The following STAMBPL1 variants were observed in gnomAD, a reference collection of about 807,000 sequenced individuals.
STAMBPL1 encodes AMSH-like protease.
A neutral mutation model predicts 52.9 loss-of-function variants in STAMBPL1; 44 were observed. The ratio of observed to expected loss-of-function variants is 0.83; its 90% CI spans 0.65 to 1.07. The LOEUF is 1.07. Ranked by LOEUF, STAMBPL1 falls within the 50% of genes least tolerant of loss-of-function variation. The pLI, the probability that STAMBPL1 is intolerant of heterozygous loss-of-function variation, is 0.00. For missense variants in STAMBPL1, 511 were observed against 520.8 expected (o/e 0.98, Z 0.18); for synonymous variants, 164 against 177.3 (o/e 0.92, Z 0.60).
At chr10:88,892,795 G>A (rs763838877) in intron 1 of STAMBPL1, among the ~76,000 whole-genome samples, 1 of 152,184 alleles carries the variant, frequency 6.6e-6, no homozygotes, top group African/African-American at 2.4e-5. Context: ...TTGAATAATA[G>A]TGCTGGACTC....
chr10:88,923,299 GT>G lies in STAMBPL1; in HGVS notation c.*78del, dbSNP rs1845561840. The G allele has an allele frequency of 6.6e-7, 1 of 1,512,028 alleles. No individual in the cohort carries two copies. The highest frequency in any genetic ancestry group is 2.5e-5 in the Admixed American group (1 of 39,496). 93.7% of individuals were successfully genotyped at this position (1,512,028 alleles called of 1,614,324 possible). On this transcript the variant is annotated 3_prime_UTR_variant, in exon 11 of 11. Coordinates refer to ENST00000371926, the MANE Select transcript of STAMBPL1 (RefSeq NM_020799.4). The stretch of plus-strand genomic sequence containing the variant: ...TGTGGTTGCCGGATTTTCTTAAGAT[GT>G]TTCCAGAAATGACTGATATTTTATA...
At chr10:88,916,906 C>A in intron 8 of STAMBPL1, 89 bp downstream of exon 8, 1 of 1,303,428 alleles carries the variant, frequency 7.7e-7, no homozygotes, top group South Asian at 2.0e-5. Context: ...ATTTAAATAG[C>A]TTCTTCTTTT....
At chr10:88,900,129 G>A (rs188866510) in intron 1 of STAMBPL1, among the ~76,000 whole-genome samples, 4 of 152,294 alleles carry the variant, frequency 2.6e-5, no homozygotes, top group Non-Finnish European at 5.9e-5. Flanking sequence ...CAATGGAGGG[G>A]AAAGACTGGA....
rs1845566123 is a variant in STAMBPL1, at chr10:88,923,460, G to A, written c.*236G>A. The A allele has an allele frequency of 2.5e-6, 3 of 1,223,708 alleles. No individual in the cohort carries two copies. Among genetic ancestry groups the A allele is most frequent in the South Asian group, 3.3e-5 (1 of 30,570 alleles). 75.8% of individuals were successfully genotyped at this position (1,223,708 alleles called of 1,614,324 possible). Reference sequence around the variant, plus strand: ...CCTGATAATGTACCCAAATACTATGGCCAGATAATAAATTGTGCTGCAAAC... The same window carrying A: ...CCTGATAATGTACCCAAATACTATGACCAGATAATAAATTGTGCTGCAAAC... On this transcript the variant is annotated 3_prime_UTR_variant, in exon 11 of 11. Coordinates refer to ENST00000371926, the MANE Select transcript of STAMBPL1 (RefSeq NM_020799.4).
At chr10:88,911,904 C>T (rs927899011) in intron 5 of STAMBPL1, among the ~76,000 whole-genome samples, 1 of 151,636 alleles carries the variant, frequency 6.6e-6, no homozygotes, top group Non-Finnish European at 1.5e-5. Context: ...GCAACAACAG[C>T]AAGGGAGACG....
In STAMBPL1 at chr10:88,913,242, G is replaced by C; in HGVS notation, c.562G>C (p.Glu188Gln). The C allele has an allele frequency of 6.2e-7, 1 of 1,613,900 alleles. No individual in the cohort carries two copies. Among genetic ancestry groups the C allele is most frequent in the East Asian group, 2.2e-5 (1 of 44,878 alleles). ...LFFEDQLKKQELARGQMRSQQ... is the reference protein window; with the variant it reads ...LFFEDQLKKQQLARGQMRSQQ... ...TTTCGAAGATCAACTCAAGAAGCAA[G>C]AGTTAGCCCGAGGTCAAATGCGAAG... Residue 188 changes from glutamate to glutamine, a missense_variant, in exon 6 of 11, where the codon GAG (glutamate) becomes CAG (glutamine). Physicochemically the swap from Glu to Gln is conservative, Grantham distance 29 (BLOSUM62 2). Around this residue, in one of 3 missense-constraint regions of STAMBPL1, gnomAD observed 358 missense variants for 343.5 expected, o/e 1.04. Transcript: ENST00000371926.
intron 2 of STAMBPL1, among the ~76,000 whole-genome samples, chr10:88,903,693 G>A (rs1488502894): frequency 6.6e-6 from 1 of 152,220 alleles, no homozygotes; most frequent in African/African-American, 2.4e-5. Flanking sequence ...ATAGCCGAGT[G>A]TGGTTAGGGA....
intron 1 of STAMBPL1, among the ~76,000 whole-genome samples, chr10:88,897,049 C>G (rs1844828538): frequency 1.3e-5 from 2 of 152,138 alleles, no homozygotes; most frequent in African/African-American, 4.8e-5. Context: ...GGACTTCAGA[C>G]TTGGAAACAT....
At chr10:88,886,465 A>G (rs1033884629) in intron 1 of STAMBPL1, among the ~76,000 whole-genome samples, 1 of 152,204 alleles carries the variant, frequency 6.6e-6, no homozygotes, top group Non-Finnish European at 1.5e-5. Context: ...AAACATTTTA[A>G]ATTTCATGAG....
intron 1 of STAMBPL1, among the ~76,000 whole-genome samples, chr10:88,881,275 C>G (rs1844400125): frequency 6.6e-6 from 1 of 152,000 alleles, no homozygotes; most frequent in Non-Finnish European, 1.5e-5. Context: ...CTAAAACAAC[C>G]CACGCTGCTG....
chr10:88,891,263 A>C (rs554372658), intron 1 of STAMBPL1, among the ~76,000 whole-genome samples: 2 of 152,232 alleles, frequency 1.3e-5, no homozygotes, highest in African/African-American at 4.8e-5. Flanking sequence ...AGACCTTTTA[A>C]AGAATGTTGA....
At chr10:88,914,691 T>A in intron 7 of STAMBPL1, 33 bp downstream of exon 7, 1 of 968,590 alleles carries the variant, frequency 1.0e-6, no homozygotes, top group Non-Finnish European at 1.3e-6. Context: ...TATATATATA[T>A]ATATCTGCAT....
intron 1 of STAMBPL1, among the ~76,000 whole-genome samples, chr10:88,881,380 G>A (rs1844402128): frequency 6.6e-6 from 1 of 151,788 alleles, no homozygotes; most frequent in African/African-American, 2.4e-5. Context: ...CAATCTAGAG[G>A]TTTGAAAAAA....
chr10:88,905,882 G>T (rs992932288), intron 3 of STAMBPL1, among the ~76,000 whole-genome samples: 2 of 152,094 alleles, frequency 1.3e-5, no homozygotes, highest in Non-Finnish European at 2.9e-5. Flanking sequence ...GAGGCTCAGG[G>T]TTATCAGATT....
At chr10:88,914,917 G>C (rs893288606) in intron 7 of STAMBPL1, among the ~76,000 whole-genome samples, 1 of 151,980 alleles carries the variant, frequency 6.6e-6, no homozygotes, top group African/African-American at 2.4e-5. Context: ...TTAAATCTTT[G>C]ATTAGAAAAA....
intron 9 of STAMBPL1, among the ~76,000 whole-genome samples, chr10:88,921,932 G>A (rs1160701251): frequency 6.6e-6 from 1 of 152,134 alleles, no homozygotes; most frequent in East Asian, 1.9e-4. Context: ...TTTATGTACA[G>A]TGCTCAGCAT....
chr10:88,888,911 C>T (rs1354956667), intron 1 of STAMBPL1, among the ~76,000 whole-genome samples: 22 of 152,236 alleles, frequency 1.4e-4, no homozygotes, highest in Admixed American at 1.4e-3. Context: ...GAAAGTCCCT[C>T]ATGATCCCAC....
At chr10:88,904,591 G>A (rs1384116622) in intron 2 of STAMBPL1, among the ~76,000 whole-genome samples, 1 of 152,158 alleles carries the variant, frequency 6.6e-6, no homozygotes, top group Non-Finnish European at 1.5e-5. Context: ...AAACCATATG[G>A]CTAGCAGAGC....
intron 1 of STAMBPL1, among the ~76,000 whole-genome samples, chr10:88,890,482 C>T (rs1024713126): frequency 1.3e-5 from 2 of 152,188 alleles, no homozygotes; most frequent in African/African-American, 4.8e-5. Context: ...CGGTGAAAAC[C>T]TGCAGTTTTG....
Sources: gnomAD v4.1 joint callset for allele counts (sites outside exome capture counted in the v4.1 genomes callset) on GRCh38, gnomAD v4.1.1 for gene constraint, gnomAD v4.1.1 regional missense constraint, MANE v1.5 for transcripts, NCBI Gene and HGNC (gene_info 2026-07-23, HGNC 2026-07-21) for gene names.